The following FKBP11 variants were observed in gnomAD, a reference collection of about 807,000 sequenced individuals.
FKBP11 encodes FKBP prolyl isomerase 11.
Under a neutral mutation model 24.7 loss-of-function variants are expected in FKBP11, and 21 were observed. That is an observed-to-expected ratio of 0.85 (90% CI 0.60 to 1.23). FKBP11 has a LOEUF of 1.23. Among genes scored for constraint, FKBP11 ranks in the 50% most tolerant of loss-of-function variants. The probability of loss-of-function intolerance (pLI) is 0.00; values close to 1 mark genes in which losing one functional copy is unlikely to be tolerated. For missense variants in FKBP11, 245 were observed against 248.7 expected (o/e 0.99, Z 0.10); for synonymous variants, 106 against 100.6 (o/e 1.05, Z -0.32).
intron 5 of FKBP11, 189 bp downstream of exon 5, chr12:48,923,593 T>A (rs1175663330): frequency 6.4e-7 from 1 of 1,552,334 alleles, no homozygotes; most frequent in Non-Finnish European, 8.7e-7. Flanking sequence ...CTCATCAGGT[T>A]GTCTTTAGTC....
At position 48,923,141 on chromosome 12, in the gene FKBP11, T is replaced by TC. The variant is rs899614153; in HGVS notation, c.388+640dup. ...CCAGCCTGGGCAACAAGAGTGAAAC[T>TC]CCATCTCAAAAAAAAAAAAAGAATT... On this transcript the variant is annotated intron_variant, in intron 5 of 5. Coordinates refer to ENST00000550765, the MANE Select transcript of FKBP11 (RefSeq NM_016594.3). 7.4e-6 allele frequency: 8 copies of TC among 1,076,962 alleles called. No individual in the cohort carries two copies. In the African/African-American group the frequency reaches 1.4e-4, roughly 19 times the overall value. The allele number at this position is 1,076,962 out of a possible 1,614,324, so 66.7% of individuals were successfully genotyped here.
intron 5 of FKBP11, chr12:48,922,651 GT>G (rs1297594193): frequency 3.0e-6 from 3 of 993,854 alleles, no homozygotes; most frequent in African/African-American, 3.5e-5. Flanking sequence ...GATAACAGGA[GT>G]TTCAACATAA....
upstream of FKBP11, among the ~76,000 whole-genome samples, chr12:48,928,377 C>A (rs1464084961): frequency 6.6e-6 from 1 of 151,600 alleles, no homozygotes; most frequent in African/African-American, 2.4e-5. Flanking sequence ...CCGAGTCTCG[C>A]TCTGTTGCCT....
chr12:48,936,807 G>A, the FKBP11 span: 2 of 152,178 alleles, frequency 1.3e-5, no homozygotes, highest in African/African-American at 4.8e-5. Context: ...AAAATACATG[G>A]AAAAGGGCAA....
Position 48,925,326 on chromosome 12 carries a change from C to T in FKBP11, c.103G>A (p.Val35Ile), listed in dbSNP as rs1225559707. ...AEAGLETESP[V>I]RTLQVETLVE... is the part of the protein sequence containing the mutation. ...AGGGTCTCCACTTGGAGGGTCCGGA[C>T]GGGACTTTCGGTTTCGAGCCCAGCC... The change falls in exon 1 of 6, where the codon GTC (valine) becomes ATC (isoleucine). Residue 35 changes from valine (V) to isoleucine (I), a missense_variant. Transcript: ENST00000550765. The T allele has an allele frequency of 1.2e-6, 2 of 1,611,258 alleles. No homozygotes were observed. Among genetic ancestry groups the T allele is most frequent in the Admixed American group, 3.4e-5 (2 of 59,668 alleles).
intron 2 of FKBP11, 170 bp from the exon 3 acceptor site, chr12:48,924,818 GA>G: frequency 6.9e-7 from 1 of 1,451,402 alleles, no homozygotes. Context: ...GCTTCTCGGA[GA>G]TCTCTCCACC....
At chr12:48,928,241 C>T (rs1242984228), upstream of FKBP11, among the ~76,000 whole-genome samples, 6 of 151,030 alleles carry the variant, frequency 4.0e-5, no homozygotes, top group Non-Finnish European at 5.9e-5. Flanking sequence ...GATGGGGTTT[C>T]GCCATATTGC....
chr12:48,933,477 G>A, the FKBP11 span, among the ~76,000 whole-genome samples: 3,775 of 152,180 alleles, frequency 0.025, 168 homozygotes, highest in African/African-American at 0.085. Flanking sequence ...CAAGGTGGGC[G>A]AATCACTTGA....
chr12:48,932,507 T>G, the FKBP11 span, among the ~76,000 whole-genome samples: 1 of 151,620 alleles, frequency 6.6e-6, no homozygotes, highest in African/African-American at 2.4e-5. Flanking sequence ...AATGAAGCAC[T>G]TACTTACTTC....
At chr12:48,923,272 T>C in intron 5 of FKBP11, 1 of 1,385,396 alleles carries the variant, frequency 7.2e-7, no homozygotes, top group South Asian at 1.6e-5. Context: ...ATCTCAACCC[T>C]TCAAAAATAG....
upstream of FKBP11, among the ~76,000 whole-genome samples, chr12:48,930,728 G>A (rs1450920243): frequency 1.3e-5 from 2 of 152,118 alleles, no homozygotes; most frequent in Non-Finnish European, 2.9e-5. Flanking sequence ...AGTGAGAAAG[G>A]AGGTGAAGGC....
the FKBP11 span, chr12:48,937,773 C>T: frequency 6.6e-6 from 1 of 152,332 alleles, no homozygotes; most frequent in Non-Finnish European, 1.5e-5. Context: ...CATTAGAATA[C>T]CCAGTCAGCC....
chr12:48,933,945 G>T, the FKBP11 span, among the ~76,000 whole-genome samples: 3 of 152,074 alleles, frequency 2.0e-5, no homozygotes. Flanking sequence ...AATGGAAGGG[G>T]TGTCCCCCAA....
the FKBP11 span, chr12:48,931,759 G>T: frequency 2.5e-6 from 1 of 399,340 alleles, no homozygotes; most frequent in South Asian, 4.1e-5. Flanking sequence ...CAAAGAATAA[G>T]CAGAACACTG....
rs1939851458 is a variant in FKBP11 at position 48,922,153 on chromosome 12, G to C, written c.437C>G (p.Ala146Gly). The change falls in exon 6 of 6, where the codon GCC becomes GGC. Residue 146 changes from alanine to glycine, a missense_variant. Physicochemically the swap from Ala to Gly is moderately conservative, Grantham distance 60. Transcript: ENST00000550765. The stretch of plus-strand genomic sequence containing the variant: ...CTTCACCAGCTTTAGCCAGTAGTTG[G>C]CTCGGATTAGTGCAATCAGCTCCAC... ...YDVELIALIR[A>G]NYWLKLVKGI... The C allele has an allele frequency of 6.2e-7, 1 of 1,614,124 alleles. No individual in the cohort carries two copies. The highest frequency in any genetic ancestry group is 2.2e-5 in the East Asian group (1 of 44,874).
chr12:48,922,478 C>T, intron 5 of FKBP11: 1 of 920,050 alleles, frequency 1.1e-6, no homozygotes, highest in Non-Finnish European at 1.4e-6. Flanking sequence ...AATGTACAGG[C>T]TCTTCTCCAT....
rs115201678 is a variant in FKBP11 at position 48,922,375 on chromosome 12, G to A, written c.389-174C>T. On this transcript the variant is annotated intron_variant, in intron 5 of 5. Coordinates refer to ENST00000550765, the MANE Select transcript of FKBP11 (RefSeq NM_016594.3). ...AAGAGTAGAGGAGGATTTACGAGCA[G>A]AGTCCAGTGATAATCATGTTGACCC... The A allele has an allele frequency of 3.1e-4, 218 of 701,342 alleles. 1 individual carries two copies. The African/African-American group carries it at 3.6e-3, about 11-fold the overall frequency. 43.4% of individuals were successfully genotyped at this position (701,342 alleles called of 1,614,324 possible).
At chr12:48,926,640 T>G (rs1939973791), upstream of FKBP11, among the ~76,000 whole-genome samples, 1 of 147,964 alleles carries the variant, frequency 6.8e-6, no homozygotes, top group Non-Finnish European at 1.5e-5. Context: ...ACTACAGGCA[T>G]GCGCCACCAT....
At chr12:48,932,664 G>A in the FKBP11 span, among the ~76,000 whole-genome samples, 1 of 152,020 alleles carries the variant, frequency 6.6e-6, no homozygotes. Context: ...AACTCAGAAA[G>A]AATTCCTGTG....
Sources: allele counts gnomAD v4.1 joint callset (sites outside exome capture counted in the v4.1 genomes callset), GRCh38; gene constraint gnomAD v4.1.1; transcripts MANE v1.5; gene names NCBI Gene and HGNC (gene_info 2026-07-23, HGNC 2026-07-21).